DAB1: variants seen among roughly 807,000 people sequenced by gnomAD.
The protein encoded by DAB1 is disabled homolog 1.
DAB1 carries 15 observed loss-of-function variants against 64.6 expected under a neutral mutation model. The ratio of observed to expected loss-of-function variants is 0.23; its 90% CI spans 0.16 to 0.36. DAB1 has a LOEUF of 0.36. DAB1 is among the 10% of genes least tolerant of loss of function. DAB1 has a pLI of 1.00. For synonymous variants in DAB1, 235 were observed against 251.9 expected, an observed-to-expected ratio of 0.93 and a Z score of 0.64; for missense variants, 596 against 706.7, an observed-to-expected ratio of 0.84 and a Z score of 1.78.
At chr1:58,072,314 A>G (rs1470579515) in intron 5 of DAB1, among the ~76,000 whole-genome samples, 1 of 152,320 alleles carries the variant, frequency 6.6e-6, no homozygotes, top group East Asian at 1.9e-4. Context: ...GTTCACAACT[A>G]CTATCTCATA....
chr1:58,004,732 C>CT (rs1646555695), intron 5 of DAB1, among the ~76,000 whole-genome samples: 1 of 152,118 alleles, frequency 6.6e-6, no homozygotes, highest in South Asian at 2.1e-4. Flanking sequence ...AACACACGCA[C>CT]GTGCCCTGTT....
rs535672560 is a variant in DAB1 at position 57,573,027 on chromosome 1, G to C, written n.625+76565C>G. ...AGAATTGAGGGTTAAAATTCAACAA[G>C]AGATTTGGGCAGGGACAAATATCCA... On this transcript the variant is annotated intron_variant and non_coding_transcript_variant, in intron 7 of 20. Coordinates refer to the DAB1 transcript ENST00000485760. Among the ~76,000 whole-genome samples, 7 of 152,262 alleles carry C rather than the reference G, an allele frequency of 4.6e-5. No homozygotes were observed. The East Asian group carries it at 1.4e-3, about 29-fold the overall frequency.
rs116503402 is a variant in DAB1 at position 57,113,390 on chromosome 1, T to C, written c.306+23153A>G. Among the ~76,000 whole-genome samples, 681 of 152,296 alleles carry C rather than the reference T, an allele frequency of 4.5e-3. 8 individuals are homozygous for C. Among genetic ancestry groups the C allele is most frequent in the African/African-American group, 0.016 (653 of 41,560 alleles). On this transcript the variant is annotated intron_variant, in intron 4 of 14. Coordinates refer to ENST00000371236, the MANE Select transcript of DAB1 (RefSeq NM_001365792.1). ...TATTTCTCAGATGGGGAAATTGAGG[T>C]ACAAAGACCTTAAGTAATTTTAGCT...
intron 2 of DAB1, among the ~76,000 whole-genome samples, chr1:57,159,856 CAAAA>C (rs398049302): frequency 0.11 from 9,901 of 86,356 alleles, 220 homozygotes; most frequent in East Asian, 0.21. Context: ...AGCAGCAAGA[CAAAA>C]AAAAAAAAAA....
chr1:57,940,995 G>C (rs1205434113), intron 5 of DAB1, among the ~76,000 whole-genome samples: 1 of 152,190 alleles, frequency 6.6e-6, no homozygotes, highest in East Asian at 1.9e-4. Flanking sequence ...TGAGAGCAAT[G>C]CAGTGAGCAT....
chr1:57,248,224 A>G (rs1375657348), intron 2 of DAB1, among the ~76,000 whole-genome samples: 2 of 152,050 alleles, frequency 1.3e-5, no homozygotes, highest in African/African-American at 4.8e-5. Context: ...TTAAATCTGT[A>G]TTATTTTATT....
chr1:57,068,486 C>T (rs1651142100), intron 8 of DAB1, among the ~76,000 whole-genome samples: 2 of 152,154 alleles, frequency 1.3e-5, no homozygotes, highest in Non-Finnish European at 2.9e-5. Flanking sequence ...ACTTTTATTA[C>T]ACAAGTAATA....
intron 5 of DAB1, among the ~76,000 whole-genome samples, chr1:57,943,928 T>G (rs1023544927): frequency 1.3e-5 from 2 of 152,032 alleles, no homozygotes; most frequent in Admixed American, 1.3e-4. Context: ...CTCAGCCTAC[T>G]CCTGCCTGAG....
chr1:58,072,619 A>T (rs775118663), intron 5 of DAB1, among the ~76,000 whole-genome samples: 56 of 152,224 alleles, frequency 3.7e-4, no homozygotes, highest in Non-Finnish European at 1.2e-4. Context: ...TTCAAGCACA[A>T]ACTATCCTGT....
chr1:57,516,268 A>G (rs1369050942), intron 7 of DAB1, among the ~76,000 whole-genome samples: 3 of 152,238 alleles, frequency 2.0e-5, no homozygotes, highest in Admixed American at 6.5e-5. Flanking sequence ...CCAGAGGACA[A>G]TTAAGTAAGT....
chr1:58,204,552 T>C (rs1180074877), intron 4 of DAB1, among the ~76,000 whole-genome samples: 1 of 152,106 alleles, frequency 6.6e-6, no homozygotes, highest in Non-Finnish European at 1.5e-5. Context: ...GATACACAGA[T>C]TAGCTCTGTG....
intron 4 of DAB1, among the ~76,000 whole-genome samples, chr1:57,092,987 T>C (rs1219467727): frequency 1.3e-5 from 2 of 152,132 alleles, no homozygotes; most frequent in Non-Finnish European, 2.9e-5. Context: ...AGAGGGGTCT[T>C]TACTCATGTC....
chr1:57,818,807 T>C (rs574463001), intron 6 of DAB1, among the ~76,000 whole-genome samples: 6 of 151,050 alleles, frequency 4.0e-5, no homozygotes, highest in South Asian at 2.1e-4. Context: ...TGTATATATA[T>C]ACATATGGTT....
In DAB1 at chr1:58,010,236, T is replaced by A. The variant is rs569050898; in HGVS notation, n.388-126074A>T. Among the ~76,000 whole-genome samples the A allele has an allele frequency of 2.0e-5, 3 of 152,288 alleles. No homozygotes were observed. In the South Asian group the frequency reaches 6.2e-4, roughly 32 times the overall value. On this transcript the variant is annotated intron_variant and non_coding_transcript_variant, in intron 5 of 20. Coordinates refer to the DAB1 transcript ENST00000485760. Reference sequence around the variant, plus strand: ...GATACGATTATTCCCACCTTAGAGATGCAGACACTGAGGCTCAAGGCCACA... The same window carrying A: ...GATACGATTATTCCCACCTTAGAGAAGCAGACACTGAGGCTCAAGGCCACA...
At chr1:58,372,745 T>G (rs1362909467) in intron 3 of DAB1, among the ~76,000 whole-genome samples, 1 of 152,190 alleles carries the variant, frequency 6.6e-6, no homozygotes, top group East Asian at 1.9e-4. Context: ...CTTGTGAGTT[T>G]TCATGAGATC....
chr1:57,289,480 T>C (rs1386166409), intron 2 of DAB1, among the ~76,000 whole-genome samples: 3 of 152,150 alleles, frequency 2.0e-5, no homozygotes, highest in Non-Finnish European at 2.9e-5. Flanking sequence ...TAGACCATGA[T>C]GCATAGAAAA....
chr1:57,491,875 A>T (rs559732222), intron 7 of DAB1, among the ~76,000 whole-genome samples: 3 of 152,314 alleles, frequency 2.0e-5, no homozygotes, highest in East Asian at 3.9e-4. Context: ...GTGGGTCATG[A>T]ACTAGAACTT....
chr1:57,490,546 C>T (rs1035273217), intron 7 of DAB1, among the ~76,000 whole-genome samples: 8 of 151,998 alleles, frequency 5.3e-5, no homozygotes, highest in Non-Finnish European at 1.0e-4. Context: ...AATCTCAACC[C>T]GTAACTTCCT....
At chr1:58,069,068 A>G (rs1029061576) in intron 5 of DAB1, among the ~76,000 whole-genome samples, 19 of 152,216 alleles carry the variant, frequency 1.2e-4, no homozygotes, top group Admixed American at 9.2e-4. Flanking sequence ...CGGACATGCT[A>G]TATGACGGCT....
Sources: gnomAD v4.1 joint callset for allele counts (sites outside exome capture counted in the v4.1 genomes callset) on GRCh38, gnomAD v4.1.1 for gene constraint, MANE v1.5 for transcripts, NCBI Gene and HGNC (gene_info 2026-07-23, HGNC 2026-07-21) for gene names.